OR14J1: variants seen among roughly 807,000 people sequenced by gnomAD.
The protein encoded by OR14J1 is olfactory receptor family 14 subfamily J member 1.
For synonymous variants in OR14J1, 140 were observed against 146.7 expected, an observed-to-expected ratio of 0.95 and a Z score of 0.33; for missense variants, 378 against 393.4, an observed-to-expected ratio of 0.96 and a Z score of 0.33.
Position 29,307,382 on chromosome 6 carries a change from C to T in OR14J1, c.693C>T (p.Gly231=), listed in dbSNP as rs1775182011. The T allele has an allele frequency of 6.2e-7, 1 of 1,612,946 alleles. No homozygotes were observed. The highest frequency in any genetic ancestry group is 8.5e-7 in the Non-Finnish European group (1 of 1,180,022). ...TGCTGAGAATCCCATCAGCTGAGGG[C>T]CGGACCAAGGTCTTCTCCACCTGCC... ...STVLRIPSAE[G]RTKVFSTCLP... The change falls in exon 2 of 2, where the codon GGC becomes GGT. Residue 231 remains glycine (G), a synonymous_variant. Coordinates refer to ENST00000641895, the MANE Select transcript of OR14J1 (RefSeq NM_030946.2).
rs551715418 is a variant in OR14J1 at position 29,307,238 on chromosome 6, G to A, written c.549G>A (p.Leu183=). ...TCTTCTGTGATGTTCCTCAGATGCT[G>A]AAACTAGCCTGTTCTTATGAATTCA... The part of the protein sequence containing the change: ...HQFFCDVPQM[L]KLACSYEFIN... Residue 183 remains leucine (L), a synonymous_variant, in exon 2 of 2, where the codon CTG becomes CTA. Transcript: ENST00000641895. The A allele has an allele frequency of 8.7e-6, 14 of 1,612,878 alleles. No individual in the cohort carries two copies. Among genetic ancestry groups the A allele is most frequent in the South Asian group, 3.3e-5 (3 of 91,080 alleles).
chr6:29,303,750 A>T (rs542799364), intron 1 of OR14J1, among the ~76,000 whole-genome samples: 1 of 142,148 alleles, frequency 7.0e-6, no homozygotes, highest in Non-Finnish European at 1.5e-5. Flanking sequence ...TCTATCTCTA[A>T]TCTATCATCT....
rs529423604 is a variant in OR14J1, at chr6:29,311,709, G to A, written c.*4054G>A. 2.0e-5 allele frequency: 3 copies of A among 152,180 alleles called. No homozygotes were observed. The highest frequency in any genetic ancestry group is 1.9e-4 in the East Asian group (1 of 5,184). 9.4% of individuals were successfully genotyped at this position (152,180 alleles called of 1,614,324 possible). On this transcript the variant is annotated 3_prime_UTR_variant, in exon 2 of 2. Coordinates refer to ENST00000641895, the MANE Select transcript of OR14J1 (RefSeq NM_030946.2). ...GGTACCAGCTCCTTTTTGTACTTGC[G>A]GTAGAATTCGTCTGTGAATCTGTCT...
At position 29,307,617 on chromosome 6, in the gene OR14J1, CA is replaced by C; in HGVS notation, c.929del (p.Gln310ArgfsTer6). 5 of 1,604,798 alleles carry C rather than the reference CA, an allele frequency of 3.1e-6. No individual in the cohort carries two copies. Among genetic ancestry groups the C allele is most frequent in the Non-Finnish European group, 4.2e-6 (5 of 1,178,984 alleles). ...GATGCTGTCAAAGGAAGAGCTTCCT[CA>C]GAGAAAAATGTGCTTAAAAGCCATG... ...RKMLSKEELP[Q>X]RKMCLKAMFK... On this transcript the variant is annotated frameshift_variant, in exon 2 of 2. Coordinates refer to ENST00000641895, the MANE Select transcript of OR14J1 (RefSeq NM_030946.2). LOFTEE classifies it high-confidence loss of function.
Position 29,310,287 on chromosome 6 carries a change from G to A in OR14J1, c.*2632G>A, listed in dbSNP as rs1417323595. 2 of 152,126 alleles carry A rather than the reference G, an allele frequency of 1.3e-5. No individual in the cohort carries two copies. The highest frequency in any genetic ancestry group is 2.4e-5 in the African/African-American group (1 of 41,426). The allele number at this position is 152,126 out of a possible 1,614,324, so 9.4% of individuals were successfully genotyped here. A position where few individuals can be genotyped will look rare whatever the true frequency, so the allele number is the denominator to read the frequency against. On this transcript the variant is annotated 3_prime_UTR_variant, in exon 2 of 2. Coordinates refer to ENST00000641895, the MANE Select transcript of OR14J1 (RefSeq NM_030946.2). Reference sequence around the variant, plus strand: ...TTTAATCCATCTTGAGTTAATTTTTGTATAAGGTATAAGGAAGGAGTCCAG... The same window carrying A: ...TTTAATCCATCTTGAGTTAATTTTTATATAAGGTATAAGGAAGGAGTCCAG...
Position 29,307,741 on chromosome 6 carries a change from GCTGT to G in OR14J1, c.*89_*92del, listed in dbSNP as rs1775219804. The G allele has an allele frequency of 2.6e-6, 2 of 757,208 alleles. No individual in the cohort carries two copies. Among genetic ancestry groups the G allele is most frequent in the East Asian group, 2.5e-5 (1 of 40,642 alleles). 46.9% of individuals were successfully genotyped at this position (757,208 alleles called of 1,614,324 possible). A position where few individuals can be genotyped will look rare whatever the true frequency, so the allele number is the denominator to read the frequency against. On this transcript the variant is annotated 3_prime_UTR_variant, in exon 2 of 2. Coordinates refer to ENST00000641895, the MANE Select transcript of OR14J1 (RefSeq NM_030946.2). Reference sequence around the variant, plus strand: ...ATTTCTACCCAGAATGCTCTTCCAAGCTGTCTATTGTATATATTCCTCTCAAATA... The same window carrying G: ...ATTTCTACCCAGAATGCTCTTCCAAGCTATTGTATATATTCCTCTCAAATA...
intron 1 of OR14J1, among the ~76,000 whole-genome samples, chr6:29,306,171 A>C (rs577568665): frequency 5.9e-5 from 9 of 152,198 alleles, no homozygotes; most frequent in Non-Finnish European, 1.3e-4. Context: ...CAAAGGAAAA[A>C]ATATGACTGT....
intron 1 of OR14J1, among the ~76,000 whole-genome samples, chr6:29,302,358 T>G (rs1774777685): frequency 6.6e-6 from 1 of 151,802 alleles, no homozygotes; most frequent in Non-Finnish European, 1.5e-5. Flanking sequence ...TTTGTATTTT[T>G]AGTAGAGATG....
At chr6:29,305,043 G>C (rs1774986580) in intron 1 of OR14J1, among the ~76,000 whole-genome samples, 1 of 152,144 alleles carries the variant, frequency 6.6e-6, no homozygotes. Flanking sequence ...TCTTATGGAG[G>C]ACCAGGAAAA....
At chr6:29,303,910 A>AAG (rs138400080) in intron 1 of OR14J1, among the ~76,000 whole-genome samples, 1 of 151,606 alleles carries the variant, frequency 6.6e-6, no homozygotes, top group Non-Finnish European at 1.5e-5. Context: ...ACTATTATGA[A>AAG]AGAGAGAGAG....
chr6:29,312,376 A>G lies in OR14J1; in HGVS notation c.*4721A>G, dbSNP rs3117430. 0.031 allele frequency: 4,974 copies of G among 161,730 alleles called. 240 individuals carry two copies. Among genetic ancestry groups the G allele is most frequent in the African/African-American group, 0.1 (4,369 of 41,618 alleles). The allele number at this position is 161,730 out of a possible 1,614,324, so 10.0% of individuals were successfully genotyped here. A position where few individuals can be genotyped will look rare whatever the true frequency, so the allele number is the denominator to read the frequency against. On this transcript the variant is annotated 3_prime_UTR_variant, in exon 2 of 2. Transcript: ENST00000641895. The stretch of plus-strand genomic sequence containing the variant: ...GTAGCGTAGGCACCCAAGGGAATCT[A>G]CTGTTCTGTGGTTTGCGAAATCCAT...
chr6:29,307,294 C>T lies in OR14J1; in HGVS notation c.605C>T (p.Thr202Met). 6.2e-7 allele frequency: 1 copy of T among 1,612,864 alleles called. No individual in the cohort carries two copies. Among genetic ancestry groups the T allele is most frequent in the Non-Finnish European group, 8.5e-7 (1 of 1,179,862 alleles). Residue 202 changes from threonine (T) to methionine (M), a missense_variant, in exon 2 of 2, where the codon ACG becomes ATG. Transcript: ENST00000641895. ...GAGATTGCACTGGCTGCATTCACAA[C>T]GTCTGCAGCATTTATCTGTTTGATC... The part of the protein sequence containing the change: ...INEIALAAFT[T>M]SAAFICLISI...
At chr6:29,306,579 T>A (rs7774255) in intron 1 of OR14J1, 83 bp from the exon 2 acceptor site, 331,345 of 695,564 alleles carry the variant, frequency 0.48, 82,181 homozygotes, top group Non-Finnish European at 0.52. Flanking sequence ...CAGTACCTCC[T>A]TGCTGAGGAA....
chr6:29,307,790 A>T lies in OR14J1; in HGVS notation c.*135A>T. 1 of 565,486 alleles carries T rather than the reference A, an allele frequency of 1.8e-6. No homozygotes were observed. The allele number at this position is 565,486 out of a possible 1,614,324, so 35.0% of individuals were successfully genotyped here. ...CAAATATAATTCTTTAAAATTTAAG[A>T]TGTTGTGCTCTAATAATATTAGCTT... On this transcript the variant is annotated 3_prime_UTR_variant, in exon 2 of 2. Transcript: ENST00000641895.
At position 29,311,288 on chromosome 6, in the gene OR14J1, A is replaced by G; in HGVS notation, c.*3633A>G. The G allele has an allele frequency of 6.6e-6, 1 of 152,190 alleles. No homozygotes were observed. The highest frequency in any genetic ancestry group is 2.1e-4 in the South Asian group (1 of 4,818). 9.4% of individuals were successfully genotyped at this position (152,190 alleles called of 1,614,324 possible). The stretch of plus-strand genomic sequence containing the variant: ...TTATTATTTTGAGATACATTCCATC[A>G]ATATCTAGTTTATTGAGAGTTTTTA... On this transcript the variant is annotated 3_prime_UTR_variant, in exon 2 of 2. Transcript: ENST00000641895.
At chr6:29,302,102 G>A (rs1774739828) in intron 1 of OR14J1, among the ~76,000 whole-genome samples, 1 of 150,786 alleles carries the variant, frequency 6.6e-6, no homozygotes, top group Non-Finnish European at 1.5e-5. Flanking sequence ...TAAATGGAAA[G>A]AGACAATGTA....
At chr6:29,306,407 T>A (rs889851696) in intron 1 of OR14J1, among the ~76,000 whole-genome samples, 1 of 152,230 alleles carries the variant, frequency 6.6e-6, no homozygotes, top group African/African-American at 2.4e-5. Flanking sequence ...GTAAAGACTT[T>A]ATCATTTCCA....
rs190298720 is a variant in OR14J1, at chr6:29,307,903, C to A, written c.*248C>A. ...AGGAGAAAGACAATTAGTTTGGAGT[C>A]TGGCCTGTATAATTTAAAACTTGTT... On this transcript the variant is annotated 3_prime_UTR_variant, in exon 2 of 2. Transcript: ENST00000641895. 19 of 395,656 alleles carry A rather than the reference C, an allele frequency of 4.8e-5. No individual in the cohort carries two copies. The East Asian group carries it at 8.4e-4, about 18-fold the overall frequency. The allele number at this position is 395,656 out of a possible 1,614,324, so 24.5% of individuals were successfully genotyped here.
chr6:29,303,307 G>GA (rs1416366004), intron 1 of OR14J1, among the ~76,000 whole-genome samples: 6 of 152,196 alleles, frequency 3.9e-5, no homozygotes, highest in East Asian at 1.9e-4. Context: ...ACGAGACTAA[G>GA]AAAAAATATT....
Sources: gnomAD v4.1 joint callset for allele counts (sites outside exome capture counted in the v4.1 genomes callset) on GRCh38, gnomAD v4.1.1 for gene constraint, MANE v1.5 for transcripts, NCBI Gene and HGNC (gene_info 2026-07-23, HGNC 2026-07-21) for gene names.